ERI1: variants seen among roughly 807,000 people sequenced by gnomAD.
ERI1 encodes the protein 3'-5' exoribonuclease 1.
A neutral mutation model predicts 39.7 loss-of-function variants in ERI1; 39 were observed. That is an observed-to-expected ratio of 0.98 (90% confidence interval 0.76 to 1.28). The LOEUF is 1.28. ERI1 is among the 50% of genes most tolerant of loss of function. ERI1 has a pLI of 0.00. For missense variants in ERI1, 581 were observed against 416.9 expected, an observed-to-expected ratio of 1.39 and a Z score of -3.43; for synonymous variants, 204 against 149.6, an observed-to-expected ratio of 1.36 and a Z score of -2.65.
chr8:9,056,690 T>C (rs1346611112), intron 3 of ERI1, among the ~76,000 whole-genome samples: 3 of 152,252 alleles, frequency 2.0e-5, no homozygotes, highest in African/African-American at 4.8e-5. Flanking sequence ...TTATAGTTTT[T>C]AAAAACCTTT....
chr8:9,023,600 T>G (rs1818152774), intron 6 of ERI1, among the ~76,000 whole-genome samples: 1 of 152,020 alleles, frequency 6.6e-6, no homozygotes, highest in Non-Finnish European at 1.5e-5. Flanking sequence ...TGTGTGTGGT[T>G]TTCCCCTCTT....
intron 3 of ERI1, chr8:9,048,533 C>G (rs1798251485): frequency 1.3e-5 from 2 of 154,204 alleles, no homozygotes; most frequent in African/African-American, 4.8e-5. Context: ...CGTTGCCCAG[C>G]TATAAACTGT....
At chr8:9,057,826 AGAGAGCCTT>A (rs1798558913) in intron 3 of ERI1, among the ~76,000 whole-genome samples, 1 of 152,224 alleles carries the variant, frequency 6.6e-6, no homozygotes, top group African/African-American at 2.4e-5. Flanking sequence ...CAAGGAGGTG[AGAGAGCCTT>A]GGGAGCTGCC....
chr8:9,057,215 G>T (rs1304371407), intron 3 of ERI1, among the ~76,000 whole-genome samples: 1 of 152,050 alleles, frequency 6.6e-6, no homozygotes, highest in East Asian at 1.9e-4. Context: ...TGCAATCACT[G>T]CTCACTGCAG....
intron 3 of ERI1, among the ~76,000 whole-genome samples, chr8:9,088,991 G>T (rs1330228184): frequency 6.6e-6 from 1 of 152,208 alleles, no homozygotes; most frequent in Admixed American, 6.5e-5. Flanking sequence ...GTGTTATGTG[G>T]TGGCCTTGGC....
At position 9,031,432 on chromosome 8, in the gene ERI1, A is replaced by G. The variant is rs1006110859; in HGVS notation, c.*1398A>G. 1 of 152,202 alleles carries G rather than the reference A, an allele frequency of 6.6e-6. No homozygotes were observed. Among genetic ancestry groups the G allele is most frequent in the Non-Finnish European group, 1.5e-5 (1 of 68,016 alleles). 9.4% of individuals were successfully genotyped at this position (152,202 alleles called of 1,614,324 possible). On this transcript the variant is annotated 3_prime_UTR_variant, in exon 7 of 7. Coordinates refer to ENST00000250263, the MANE Select transcript of ERI1 (RefSeq NM_153332.4). Reference sequence around the variant, plus strand: ...AGGCATATGAGAGTGTGGTGTTCCTAGATGAACTGTTACAGATTATAGTAA... The same window carrying G: ...AGGCATATGAGAGTGTGGTGTTCCTGGATGAACTGTTACAGATTATAGTAA...
rs1797473918 is a variant in ERI1, at chr8:9,030,020, C to T, written c.1036C>T (p.His346Tyr). The part of the protein sequence containing the change: ...IEGTPPPQMP[H>Y]FRK ...GGGCACTCCACCACCACAAATGCCA[C>T]ATTTTAGAAAGTAACAACAGTTTTG... The change falls in exon 7 of 7, where the codon CAT becomes TAT. Residue 346 changes from histidine (H) to tyrosine (Y), a missense_variant. Physicochemically the swap from His to Tyr is moderately conservative, Grantham distance 83. Transcript: ENST00000250263. 3 of 1,590,702 alleles carry T rather than the reference C, an allele frequency of 1.9e-6. No homozygotes were observed. The highest frequency in any genetic ancestry group is 2.2e-5 in the South Asian group (2 of 89,634).
intron 3 of ERI1, among the ~76,000 whole-genome samples, chr8:9,093,109 A>G (rs1048121054): frequency 6.6e-6 from 1 of 152,192 alleles, no homozygotes; most frequent in Non-Finnish European, 1.5e-5. Flanking sequence ...CCTCATTTTA[A>G]CTTAATCACC....
chr8:9,085,304 G>T (rs1328435019), intron 3 of ERI1, among the ~76,000 whole-genome samples: 1 of 152,114 alleles, frequency 6.6e-6, no homozygotes, highest in Non-Finnish European at 1.5e-5. Context: ...TGCCTCCTGG[G>T]TTCAAGTGAT....
downstream of ERI1, among the ~76,000 whole-genome samples, chr8:9,034,003 A>G (rs11781493): frequency 0.16 from 24,148 of 152,228 alleles, 2,641 homozygotes; most frequent in Non-Finnish European, 0.24. Context: ...TTTTTCGGAG[A>G]TGGGGATAAG....
At chr8:9,053,325 A>C (rs1230746972) in intron 3 of ERI1, among the ~76,000 whole-genome samples, 1 of 152,142 alleles carries the variant, frequency 6.6e-6, no homozygotes, top group East Asian at 1.9e-4. Flanking sequence ...CCAGTGGCTA[A>C]TGATTTAGCT....
chr8:9,003,227 C>A, intron 1 of ERI1, 56 bp downstream of exon 1: 1 of 1,046,708 alleles, frequency 9.6e-7, no homozygotes, highest in Non-Finnish European at 1.2e-6. Flanking sequence ...CCCCAAAGCG[C>A]CCTCGGCACC....
rs187582060 is a variant in ERI1 at position 9,066,492 on chromosome 8, C to G, written n.299+46028C>G. ...CTGATGACTTTTGAACTCACCAACACTGGCAGTGATTTGATTTTGTGTTCA... is the reference window on the plus strand; with the variant it reads ...CTGATGACTTTTGAACTCACCAACAGTGGCAGTGATTTGATTTTGTGTTCA... On this transcript the variant is annotated intron_variant and non_coding_transcript_variant, in intron 3 of 3. Transcript: ENST00000518663. 9.2e-5 allele frequency among the ~76,000 whole-genome samples: 14 copies of G among 152,298 alleles called. No homozygotes were observed. In the East Asian group the frequency reaches 2.5e-3, roughly 27 times the overall value.
chr8:9,003,673 A>G (rs1815625744), intron 1 of ERI1, among the ~76,000 whole-genome samples: 1 of 152,114 alleles, frequency 6.6e-6, no homozygotes, highest in Admixed American at 6.5e-5. Flanking sequence ...GTCTCATATA[A>G]CCATAGTATA....
intron 1 of ERI1, among the ~76,000 whole-genome samples, chr8:9,005,337 C>G (rs1015106700): frequency 6.6e-6 from 1 of 151,992 alleles, no homozygotes; most frequent in African/African-American, 2.4e-5. Flanking sequence ...TTGTAGCTTA[C>G]TGTTAAAATG....
intron 4 of ERI1, among the ~76,000 whole-genome samples, chr8:9,016,638 G>T (rs569463994): frequency 3.5e-4 from 53 of 151,338 alleles, no homozygotes; most frequent in Non-Finnish European, 6.2e-4. Flanking sequence ...GAAAGATTTC[G>T]TCTGTAAAAT....
At chr8:9,089,522 A>G (rs1799639935) in intron 3 of ERI1, among the ~76,000 whole-genome samples, 1 of 152,186 alleles carries the variant, frequency 6.6e-6, no homozygotes, top group African/African-American at 2.4e-5. Flanking sequence ...GGTCCCCTAG[A>G]TGATGCAAAC....
At chr8:9,045,368 G>C (rs941143705) in intron 3 of ERI1, among the ~76,000 whole-genome samples, 1 of 151,848 alleles carries the variant, frequency 6.6e-6, no homozygotes, top group Non-Finnish European at 1.5e-5. Context: ...ACGTATACTT[G>C]CACTGAAACG....
At chr8:9,044,583 G>GAAGCA (rs1798121647) in intron 3 of ERI1, among the ~76,000 whole-genome samples, 1 of 152,172 alleles carries the variant, frequency 6.6e-6, no homozygotes, top group South Asian at 2.1e-4. Flanking sequence ...TGTAGGAGCA[G>GAAGCA]AAGCAAAGCT....
Sources: allele counts gnomAD v4.1 joint callset (sites outside exome capture counted in the v4.1 genomes callset), GRCh38; gene constraint gnomAD v4.1.1; transcripts MANE v1.5; gene names NCBI Gene and HGNC (gene_info 2026-07-23, HGNC 2026-07-21).